OSBPL9: variants seen among roughly 807,000 people sequenced by gnomAD.
OSBPL9 encodes oxysterol binding protein like 9.
OSBPL9 carries 40 observed loss-of-function variants against 106.6 expected under a neutral mutation model. The ratio of observed to expected loss-of-function variants is 0.38; its 90% CI spans 0.29 to 0.49. The LOEUF (loss-of-function observed/expected upper bound fraction) is 0.49, where lower values mean the gene tolerates loss of function less well. Among genes scored for constraint, OSBPL9 ranks in the 20% least tolerant of loss-of-function variants. OSBPL9 has a pLI of 0.97. For synonymous variants in OSBPL9, 269 were observed against 295.4 expected (o/e 0.91, Z 0.92); for missense variants, 609 against 887.2 (o/e 0.69, Z 3.98).
At chr1:51,784,728 T>A in intron 20 of OSBPL9, 146 bp downstream of exon 20, 1 of 929,482 alleles carries the variant, frequency 1.1e-6, no homozygotes, top group Non-Finnish European at 1.6e-6. Flanking sequence ...TGTCTTTTGC[T>A]GAAGTCCCAT....
intron 10 of OSBPL9, 81 bp downstream of exon 10, chr1:51,760,861 C>T (rs1671342567): frequency 1.1e-5 from 16 of 1,443,470 alleles, no homozygotes; most frequent in South Asian, 2.5e-5. Flanking sequence ...TTAGCTATTA[C>T]TGTTTATTTT....
chr1:51,586,741 G>A (rs1264930310), intron 1 of OSBPL9, among the ~76,000 whole-genome samples: 1 of 152,174 alleles, frequency 6.6e-6, no homozygotes, highest in African/African-American at 2.4e-5. Flanking sequence ...CCCAGTCCAC[G>A]AGGCTGAGGC....
At chr1:51,635,090 G>A (rs1453682146) in intron 1 of OSBPL9, among the ~76,000 whole-genome samples, 4 of 152,298 alleles carry the variant, frequency 2.6e-5, no homozygotes, top group Non-Finnish European at 4.4e-5. Flanking sequence ...GGGCTGGGCC[G>A]TCTTGTTATG....
At chr1:51,548,886 G>A in the OSBPL9 span, among the ~76,000 whole-genome samples, 2 of 152,150 alleles carry the variant, frequency 1.3e-5, no homozygotes, top group African/African-American at 4.8e-5. Context: ...GCATACATCT[G>A]AGCAATCAGA....
chr1:51,707,860 C>T (rs903167721), intron 3 of OSBPL9: 1 of 205,026 alleles, frequency 4.9e-6, no homozygotes, highest in Non-Finnish European at 1.0e-5. Flanking sequence ...ATGGACCCAA[C>T]AACATAGTCA....
chr1:51,592,074 G>A (rs186128621), intron 1 of OSBPL9, among the ~76,000 whole-genome samples: 5 of 150,152 alleles, frequency 3.3e-5, no homozygotes, highest in African/African-American at 1.2e-4. Flanking sequence ...CTTCAAAGTA[G>A]GCACCTGACC....
chr1:51,685,109 A>T (rs893549733), intron 3 of OSBPL9, among the ~76,000 whole-genome samples: 1 of 151,774 alleles, frequency 6.6e-6, no homozygotes, highest in African/African-American at 2.4e-5. Context: ...TCATACATTC[A>T]TTTTTTTCTA....
chr1:51,733,092 G>A (rs186158297), intron 4 of OSBPL9, among the ~76,000 whole-genome samples: 1 of 152,268 alleles, frequency 6.6e-6, no homozygotes, highest in African/African-American at 2.4e-5. Flanking sequence ...TTCAGGCAGG[G>A]TGAGTTTGTT....
At chr1:51,706,609 C>A (rs1658590040) in intron 3 of OSBPL9, among the ~76,000 whole-genome samples, 1 of 151,156 alleles carries the variant, frequency 6.6e-6, no homozygotes, top group African/African-American at 2.4e-5. Context: ...TTATCAATTC[C>A]TTTTCTACTC....
At chr1:51,767,345 A>G (rs945125626) in intron 12 of OSBPL9, among the ~76,000 whole-genome samples, 1 of 151,390 alleles carries the variant, frequency 6.6e-6, no homozygotes, top group African/African-American at 2.4e-5. Context: ...GTGAGCCGAG[A>G]TTGGGCTGCT....
At chr1:51,782,722 G>GGCCGGGCGCGGTGGCTCACGCCTGT in intron 17 of OSBPL9, 79 bp downstream of exon 17, 1 of 1,263,392 alleles carries the variant, frequency 7.9e-7, no homozygotes, top group Non-Finnish European at 1.1e-6. Context: ...CGCCATAGCT[G>GGCCGGGCGCGGTGGCTCACGCCTGT]AGGGTACTGT....
At chr1:51,630,189 A>G (rs1210713200) in intron 1 of OSBPL9, among the ~76,000 whole-genome samples, 3 of 152,112 alleles carry the variant, frequency 2.0e-5, no homozygotes, top group Admixed American at 6.6e-5. Flanking sequence ...GTGATAGATA[A>G]TGAGATTTCA....
At chr1:51,528,751 T>C in the OSBPL9 span, among the ~76,000 whole-genome samples, 9 of 151,944 alleles carry the variant, frequency 5.9e-5, no homozygotes, top group African/African-American at 2.4e-5. Flanking sequence ...AGTACACCCA[T>C]AGTCCCAGCT....
chr1:51,772,009 A>G lies in OSBPL9; in HGVS notation c.939-61A>G, dbSNP rs545177876. 7.5e-5 allele frequency: 95 copies of G among 1,272,050 alleles called. 1 individual carries two copies. The African/African-American group carries it at 1.3e-3, about 17-fold the overall frequency. 78.8% of individuals were successfully genotyped at this position (1,272,050 alleles called of 1,614,324 possible). On this transcript the variant is annotated intron_variant, in intron 12 of 23. Transcript: ENST00000428468. ...TGTAACCAGCTAACTGTACGAGTCT[A>G]GCTTACTATGATTCTAAATTGCTTT...
intron 4 of OSBPL9, among the ~76,000 whole-genome samples, chr1:51,725,996 G>A (rs1282545393): frequency 6.6e-6 from 1 of 152,120 alleles, no homozygotes; most frequent in South Asian, 2.1e-4. Flanking sequence ...TTGACTGGAA[G>A]CCTTGCCAAT....
the OSBPL9 span, among the ~76,000 whole-genome samples, chr1:51,568,471 T>C: frequency 6.6e-6 from 1 of 152,184 alleles, no homozygotes; most frequent in African/African-American, 2.4e-5. Context: ...TAGAGGGAAC[T>C]CTAGAGATCA....
chr1:51,602,281 T>G (rs1219277190), intron 2 of OSBPL9, among the ~76,000 whole-genome samples: 1 of 151,964 alleles, frequency 6.6e-6, no homozygotes, highest in Non-Finnish European at 1.5e-5. Flanking sequence ...GTGCTGGGAT[T>G]ACAGGCGTGA....
the OSBPL9 span, among the ~76,000 whole-genome samples, chr1:51,553,973 C>A: frequency 6.6e-6 from 1 of 152,166 alleles, no homozygotes; most frequent in Non-Finnish European, 1.5e-5. Flanking sequence ...GCCACCCCAC[C>A]TGGCCAAAAA....
At chr1:51,756,650 A>G in intron 9 of OSBPL9, 1 of 291,988 alleles carries the variant, frequency 3.4e-6, no homozygotes, top group Non-Finnish European at 6.5e-6. Context: ...AATAATGCAT[A>G]ACTCAGTGCC....
Sources: allele counts gnomAD v4.1 joint callset (sites outside exome capture counted in the v4.1 genomes callset), GRCh38; gene constraint gnomAD v4.1.1; transcripts MANE v1.5; gene names NCBI Gene and HGNC (gene_info 2026-07-23, HGNC 2026-07-21).